SRGAP2B: variants seen among roughly 807,000 people sequenced by gnomAD.
The protein encoded by SRGAP2B is SLIT-ROBO Rho GTPase activating protein 2B, also known as SLIT-ROBO Rho GTPase-activating protein 2B.
SRGAP2B carries 9 observed loss-of-function variants against 22.2 expected under a neutral mutation model. That is an observed-to-expected ratio of 0.41 (90% CI 0.24 to 0.71). The LOEUF (loss-of-function observed/expected upper bound fraction) is 0.71, where lower values mean the gene tolerates loss of function less well. Among genes scored for constraint, SRGAP2B ranks in the 30% least tolerant of loss-of-function variants. SRGAP2B has a pLI of 0.35. For missense variants in SRGAP2B, 114 were observed against 235.8 expected (o/e 0.48, Z 3.38); for synonymous variants, 36 against 87.4 (o/e 0.41, Z 3.28).
intron 2 of SRGAP2B, among the ~76,000 whole-genome samples, chr1:145,006,978 C>T (rs1283726998): frequency 6.7e-6 from 1 of 150,342 alleles, no homozygotes; most frequent in Non-Finnish European, 1.5e-5. Flanking sequence ...CTGAACAAGA[C>T]ACTTAATCTC....
chr1:144,950,830 G>A (rs1627202), intron 4 of SRGAP2B, among the ~76,000 whole-genome samples: 1,770 of 150,718 alleles, frequency 0.012, 48 homozygotes, highest in Non-Finnish European at 0.019. Context: ...GCTTCATTTC[G>A]TTTTTCTTAA....
chr1:144,944,443 C>A (rs1400042735), intron 4 of SRGAP2B, among the ~76,000 whole-genome samples: 13 of 148,992 alleles, frequency 8.7e-5, no homozygotes, highest in African/African-American at 3.3e-4. Context: ...AAAAATTAGC[C>A]AAGCATGATG....
intron 2 of SRGAP2B, among the ~76,000 whole-genome samples, chr1:145,073,029 G>A (rs1652260892): frequency 6.7e-6 from 1 of 148,496 alleles, no homozygotes; most frequent in Non-Finnish European, 1.5e-5. Context: ...TCGGAGCAAG[G>A]CAGCTCAGAA....
chr1:144,976,891 AG>A (rs1668946413), intron 3 of SRGAP2B, among the ~76,000 whole-genome samples: 1 of 45,122 alleles, frequency 2.2e-5, no homozygotes, highest in Admixed American at 2.4e-4. Flanking sequence ...TAAATGTAGA[AG>A]GAATGATGAA....
Position 144,951,563 on chromosome 1 carries a change from C to T in SRGAP2B, c.423+3876G>A, listed in dbSNP as rs492524. Among the ~76,000 whole-genome samples, 11 of 149,718 alleles carry T rather than the reference C, an allele frequency of 7.3e-5. No homozygotes were observed. The East Asian group carries it at 1.4e-3, about 19-fold the overall frequency. On this transcript the variant is annotated intron_variant, in intron 4 of 9. Transcript: ENST00000612199. ...CAATAGTAACTACTTTATAAAATTACGGTAAGGATTAAAGGAGATAATACA... is the reference window on the plus strand; with the variant it reads ...CAATAGTAACTACTTTATAAAATTATGGTAAGGATTAAAGGAGATAATACA...
At chr1:145,068,892 A>G (rs535262) in intron 2 of SRGAP2B, among the ~76,000 whole-genome samples, 312 of 114,510 alleles carry the variant, frequency 2.7e-3, no homozygotes, top group African/African-American at 5.2e-3. Flanking sequence ...AATAAGGTAA[A>G]ATGTGTGTGT....
intron 5 of SRGAP2B, among the ~76,000 whole-genome samples, chr1:144,911,617 C>T (rs1330987711): frequency 3.4e-5 from 5 of 145,402 alleles, no homozygotes; most frequent in Admixed American, 1.4e-4. Flanking sequence ...CTCTGAACTG[C>T]TATTTTTTTT....
intron 2 of SRGAP2B, among the ~76,000 whole-genome samples, chr1:145,090,139 A>C (rs1653843456): frequency 1.4e-5 from 2 of 147,386 alleles, no homozygotes. Flanking sequence ...AGTCCCATAT[A>C]ACACACAAAA....
chr1:145,061,347 AT>A (rs1650882538), intron 2 of SRGAP2B, among the ~76,000 whole-genome samples: 1 of 80,464 alleles, frequency 1.2e-5, no homozygotes, highest in Non-Finnish European at 2.4e-5. Context: ...TTGCTGCTGA[AT>A]TAGATATGGG....
intron 4 of SRGAP2B, among the ~76,000 whole-genome samples, chr1:144,922,672 A>C (rs1664340064): frequency 1.3e-5 from 2 of 150,460 alleles, no homozygotes; most frequent in South Asian, 4.2e-4. Flanking sequence ...TTAAACAGAA[A>C]AGATCCTTCT....
intron 3 of SRGAP2B, among the ~76,000 whole-genome samples, chr1:144,967,806 G>T (rs1668200594): frequency 2.5e-5 from 1 of 40,574 alleles, no homozygotes; most frequent in Admixed American, 2.6e-4. Flanking sequence ...ATGATAAAGG[G>T]GATATCACCA....
At chr1:145,020,431 TAAAAAA>T (rs782440915) in intron 2 of SRGAP2B, among the ~76,000 whole-genome samples, 7 of 81,334 alleles carry the variant, frequency 8.6e-5, no homozygotes. Context: ...CTTGTCTCTT[TAAAAAA>T]AAAAAAAAAA....
In SRGAP2B at chr1:145,009,172, G is replaced by A. The variant is rs1180640952; in HGVS notation, c.68-13972C>T. Among the ~76,000 whole-genome samples the A allele has an allele frequency of 1.1e-3, 142 of 126,032 alleles. 2 individuals are homozygous for A. The highest frequency in any genetic ancestry group is 4.6e-3 in the African/African-American group (136 of 29,524). 82.7% of individuals were successfully genotyped at this position (126,032 alleles called of 152,430 possible). A position where few individuals can be genotyped will look rare whatever the true frequency, so the allele number is the denominator to read the frequency against. ...AGCCTGGGCGACAGAGCGAGACTCCGTCTCAAAAAAAAAAAAAAAAACCTC... is the reference window on the plus strand; with the variant it reads ...AGCCTGGGCGACAGAGCGAGACTCCATCTCAAAAAAAAAAAAAAAAACCTC... On this transcript the variant is annotated intron_variant, in intron 2 of 9. Coordinates refer to ENST00000612199, the Ensembl canonical transcript of SRGAP2B.
At chr1:144,960,474 T>A (rs587733117) in intron 3 of SRGAP2B, among the ~76,000 whole-genome samples, 3 of 150,300 alleles carry the variant, frequency 2.0e-5, no homozygotes, top group African/African-American at 7.5e-5. Context: ...TTCGAAGACA[T>A]TAGCCCAGCT....
chr1:144,951,184 T>TG (rs1666837453), intron 4 of SRGAP2B, among the ~76,000 whole-genome samples: 1 of 149,728 alleles, frequency 6.7e-6, no homozygotes, highest in Non-Finnish European at 1.5e-5. Context: ...TTTTGTTTTT[T>TG]TTTTTTAAAC....
In SRGAP2B at chr1:145,076,146, C is replaced by T. The variant is rs1302043711; in HGVS notation, c.67+16689G>A. On this transcript the variant is annotated intron_variant, in intron 2 of 9. Coordinates refer to ENST00000612199, the Ensembl canonical transcript of SRGAP2B. ...CTTCCCTAGTAAGATGCAAAACCTA[C>T]TTTTCTATCTTCTAATGTACAATCT... Among the ~76,000 whole-genome samples, 26 of 150,258 alleles carry T rather than the reference C, an allele frequency of 1.7e-4. 2 individuals are homozygous for T. Among genetic ancestry groups the T allele is most frequent in the African/African-American group, 6.5e-4 (26 of 40,292 alleles).
At position 145,002,528 on chromosome 1, in the gene SRGAP2B, C is replaced by T. The variant is rs1488243445; in HGVS notation, c.68-7328G>A. 1.5e-3 allele frequency among the ~76,000 whole-genome samples: 175 copies of T among 117,296 alleles called. 1 individual carries two copies. Among genetic ancestry groups the T allele is most frequent in the Non-Finnish European group, 2.6e-3 (152 of 58,604 alleles). The allele number at this position is 117,296 out of a possible 152,430, so 77.0% of individuals were successfully genotyped here. A position where few individuals can be genotyped will look rare whatever the true frequency, so the allele number is the denominator to read the frequency against. ...GCCGGAAGTTTGAGACCAGCCTGGT[C>T]AACATAGCAAGACCTCATCTCAAAA... is the stretch of plus-strand genomic sequence containing the variant. On this transcript the variant is annotated intron_variant, in intron 2 of 9. Transcript: ENST00000612199.
rs587655796 is a variant in SRGAP2B, at chr1:144,987,800, C to T, written c.260+7208G>A. On this transcript the variant is annotated intron_variant, in intron 3 of 9. Coordinates refer to ENST00000612199, the Ensembl canonical transcript of SRGAP2B. ...CTTGTGCTGTGCACACATTTTAACA[C>T]TTGGTTATCTTTTGCAACACAAAAA... 2.6e-5 allele frequency among the ~76,000 whole-genome samples: 4 copies of T among 151,064 alleles called. No homozygotes were observed. In the South Asian group the frequency reaches 8.3e-4, roughly 31 times the overall value.
intron 3 of SRGAP2B, among the ~76,000 whole-genome samples, chr1:144,987,197 T>C (rs1281818385): frequency 1.3e-5 from 2 of 152,038 alleles, no homozygotes; most frequent in Admixed American, 1.3e-4. Context: ...TCATACACCA[T>C]GGCAGATGCT....
Sources: gnomAD v4.1 joint callset for allele counts (sites outside exome capture counted in the v4.1 genomes callset) on GRCh38, gnomAD v4.1.1 for gene constraint, MANE v1.5 for transcripts, NCBI Gene and HGNC (gene_info 2026-07-23, HGNC 2026-07-21) for gene names.